The following TRABD2B variants were observed in gnomAD, a reference collection of about 807,000 sequenced individuals.
The protein encoded by TRABD2B is metalloprotease TIKI2.
Under a neutral mutation model 40.1 loss-of-function variants are expected in TRABD2B, and 14 were observed. That is an observed-to-expected ratio of 0.35 (90% CI 0.23 to 0.55). TRABD2B has a LOEUF of 0.55. Ranked by LOEUF, TRABD2B falls within the 20% of genes least tolerant of loss-of-function variation. The pLI, the probability that TRABD2B is intolerant of heterozygous loss-of-function variation, is 0.90. For missense variants in TRABD2B, 541 were observed against 648.6 expected (o/e 0.83, Z 1.80); for synonymous variants, 263 against 277.0 (o/e 0.95, Z 0.50).
rs955583843 is a variant in TRABD2B, at chr1:47,794,735, A to G, written c.839T>C (p.Leu280Pro). 1 of 1,439,510 alleles carries G rather than the reference A, an allele frequency of 6.9e-7. No individual in the cohort carries two copies. The highest frequency in any genetic ancestry group is 9.2e-7 in the Non-Finnish European group (1 of 1,084,472). 89.2% of individuals were successfully genotyped at this position (1,439,510 alleles called of 1,614,324 possible). ...SQLPNFINTTLPPHEQVTAQE... is the reference protein window; with the variant it reads ...SQLPNFINTTPPPHEQVTAQE... Reference sequence around the variant, plus strand: ...GGCCGTCACCTGCTCGTGTGGCGGGAGGGTGGTGTTGATAAAGTTGGGCAG... The same window carrying G: ...GGCCGTCACCTGCTCGTGTGGCGGGGGGGTGGTGTTGATAAAGTTGGGCAG... The change falls in exon 4 of 7, where the codon CTC becomes CCC. Residue 280 changes from leucine to proline, a missense_variant. Physicochemically the swap from Leu to Pro is moderately conservative, Grantham distance 98. Transcript: ENST00000606738.
chr1:47,944,323 T>C (rs1326011588), intron 2 of TRABD2B, among the ~76,000 whole-genome samples: 1 of 152,172 alleles, frequency 6.6e-6, no homozygotes, highest in Non-Finnish European at 1.5e-5. Flanking sequence ...GAAATATTTG[T>C]TGAATGAATA....
intron 4 of TRABD2B, among the ~76,000 whole-genome samples, chr1:47,786,415 C>T (rs925627572): frequency 2.0e-5 from 3 of 152,200 alleles, no homozygotes; most frequent in Non-Finnish European, 4.4e-5. Flanking sequence ...TCCTCTGTTT[C>T]GGAGGGTGAG....
At chr1:47,825,748 T>G (rs6673949) in intron 2 of TRABD2B, among the ~76,000 whole-genome samples, 4,883 of 143,848 alleles carry the variant, frequency 0.034, 273 homozygotes, top group African/African-American at 0.11. Context: ...GGGTGGGCAC[T>G]GAGCCGGGAG....
chr1:47,992,809 T>C (rs1646031252), intron 2 of TRABD2B, among the ~76,000 whole-genome samples: 1 of 152,154 alleles, frequency 6.6e-6, no homozygotes, highest in African/African-American at 2.4e-5. Context: ...ACTGCCCCAA[T>C]ACTCCTGCCA....
chr1:47,772,575 G>C (rs1331741274), intron 6 of TRABD2B, among the ~76,000 whole-genome samples: 1 of 152,148 alleles, frequency 6.6e-6, no homozygotes, highest in African/African-American at 2.4e-5. Flanking sequence ...GAGGTGATGG[G>C]GAGTAGGAGA....
intron 2 of TRABD2B, among the ~76,000 whole-genome samples, chr1:47,985,456 T>A (rs902028663): frequency 2.0e-5 from 3 of 152,158 alleles, no homozygotes; most frequent in African/African-American, 7.2e-5. Context: ...GGTGGTCAGG[T>A]GCTGTTTGGA....
At chr1:47,864,293 T>C (rs1644021984) in intron 2 of TRABD2B, among the ~76,000 whole-genome samples, 1 of 152,008 alleles carries the variant, frequency 6.6e-6, no homozygotes, top group Non-Finnish European at 1.5e-5. Flanking sequence ...GTTGTAATGA[T>C]GGACACATGT....
At chr1:47,799,630 G>A (rs915276547) in intron 3 of TRABD2B, among the ~76,000 whole-genome samples, 5 of 152,148 alleles carry the variant, frequency 3.3e-5, no homozygotes, top group Non-Finnish European at 5.9e-5. Context: ...GCTCCTGGTC[G>A]TGTGGGGGCA....
chr1:47,873,535 G>C (rs1305100959), intron 2 of TRABD2B, among the ~76,000 whole-genome samples: 1 of 152,222 alleles, frequency 6.6e-6, no homozygotes, highest in African/African-American at 2.4e-5. Flanking sequence ...GTGCTACACA[G>C]AGCAAGCTCA....
intron 2 of TRABD2B, among the ~76,000 whole-genome samples, chr1:47,896,708 A>C (rs7527840): frequency 0.96 from 146,006 of 152,262 alleles, 70,265 homozygotes; most frequent in Non-Finnish European, 1. Flanking sequence ...GGCCTGGGGA[A>C]TACAGTCTAG....
At chr1:47,890,123 C>T (rs571597698) in intron 2 of TRABD2B, among the ~76,000 whole-genome samples, 115 of 152,192 alleles carry the variant, frequency 7.6e-4, no homozygotes, top group Non-Finnish European at 1.4e-3. Context: ...TTGTACACTG[C>T]AGAGTATGCT....
rs143324874 is a variant in TRABD2B at position 47,894,643 on chromosome 1, G to A, written c.667-93024C>T. Among the ~76,000 whole-genome samples the A allele has an allele frequency of 1.0e-3, 155 of 152,236 alleles. 1 individual carries two copies. The highest frequency in any genetic ancestry group is 3.2e-3 in the African/African-American group (132 of 41,540). ...TTCAGCAGGGCACTGAATGCATTTC[G>A]GACCACATGGGACCAAGTCATTGTG... is the stretch of plus-strand genomic sequence containing the variant. On this transcript the variant is annotated intron_variant, in intron 2 of 6. Coordinates refer to ENST00000606738, the MANE Select transcript of TRABD2B (RefSeq NM_001194986.2).
At chr1:47,782,529 T>C (rs1644538901) in intron 4 of TRABD2B, among the ~76,000 whole-genome samples, 1 of 152,198 alleles carries the variant, frequency 6.6e-6, no homozygotes, top group Non-Finnish European at 1.5e-5. Context: ...GGCAGTGGCT[T>C]TGTGAATGTG....
At chr1:47,849,506 T>A (rs1040259702) in intron 2 of TRABD2B, among the ~76,000 whole-genome samples, 4 of 152,200 alleles carry the variant, frequency 2.6e-5, no homozygotes, top group Non-Finnish European at 5.9e-5. Flanking sequence ...ATACAGTGGC[T>A]CACCTAAGAT....
intron 6 of TRABD2B, among the ~76,000 whole-genome samples, chr1:47,769,978 G>A (rs1313593801): frequency 1.3e-5 from 1 of 75,692 alleles, no homozygotes; most frequent in Non-Finnish European, 2.9e-5. Flanking sequence ...GGCTGTGTGT[G>A]TCTGAGACAC....
intron 2 of TRABD2B, among the ~76,000 whole-genome samples, chr1:47,879,794 G>T (rs953703091): frequency 6.6e-6 from 1 of 152,214 alleles, no homozygotes; most frequent in Non-Finnish European, 1.5e-5. Context: ...AGAAGTGAGA[G>T]TGGGGAGACC....
intron 2 of TRABD2B, among the ~76,000 whole-genome samples, chr1:47,864,621 G>A (rs2124566968): frequency 6.6e-6 from 1 of 152,284 alleles, no homozygotes; most frequent in South Asian, 2.1e-4. Context: ...CTTAGGAACA[G>A]ATGGTGCCTC....
intron 2 of TRABD2B, among the ~76,000 whole-genome samples, chr1:47,940,712 C>T (rs555823129): frequency 1.3e-5 from 2 of 152,334 alleles, no homozygotes; most frequent in East Asian, 1.9e-4. Context: ...TGCCATCCAG[C>T]TTCGACCTGA....
rs112297251 is a variant in TRABD2B, at chr1:47,953,551, C to T, written c.666+40483G>A. On this transcript the variant is annotated intron_variant, in intron 2 of 6. Coordinates refer to ENST00000606738, the MANE Select transcript of TRABD2B (RefSeq NM_001194986.2). ...AGGAAACCTCTCCTACTTACAGAGGCCTCCGGGGCAGTTGGGGTGGCCATA... is the reference window on the plus strand; with the variant it reads ...AGGAAACCTCTCCTACTTACAGAGGTCTCCGGGGCAGTTGGGGTGGCCATA... Among the ~76,000 whole-genome samples the T allele has an allele frequency of 3.9e-5, 6 of 152,274 alleles. 2 individuals carry two copies. The highest frequency in any genetic ancestry group is 1.4e-4 in the African/African-American group (6 of 41,562).
Sources: gnomAD v4.1 joint callset for allele counts (sites outside exome capture counted in the v4.1 genomes callset) on GRCh38, gnomAD v4.1.1 for gene constraint, MANE v1.5 for transcripts, NCBI Gene and HGNC (gene_info 2026-07-23, HGNC 2026-07-21) for gene names.